The following OTOF variants were observed in gnomAD, a reference collection of about 807,000 sequenced individuals.
OTOF encodes the protein otoferlin.
In OTOF, 218 loss-of-function variants were observed where a neutral mutation model predicts 236.8. The observed-to-expected ratio is 0.92, with a 90% confidence interval of 0.82 to 1.03. OTOF has a LOEUF of 1.03. Among genes scored for constraint, OTOF ranks in the 50% least tolerant of loss-of-function variants. The probability of loss-of-function intolerance (pLI) is 0.00; values close to 1 mark genes in which losing one functional copy is unlikely to be tolerated. For missense variants in OTOF, 2,590 were observed against 2,694.4 expected (o/e 0.96, Z 0.86); for synonymous variants, 1,041 against 1,072.5 (o/e 0.97, Z 0.57).
chr2:26,497,022 C>A (rs1290931009), intron 8 of OTOF, among the ~76,000 whole-genome samples: 1 of 150,474 alleles, frequency 6.6e-6, no homozygotes, highest in Non-Finnish European at 1.5e-5. Context: ...TTGCCTCTCT[C>A]AAACGTGTGT....
intron 13 of OTOF, among the ~76,000 whole-genome samples, chr2:26,483,205 A>ATG (rs1558491515): frequency 6.6e-6 from 1 of 151,706 alleles, no homozygotes; most frequent in Non-Finnish European, 1.5e-5. Flanking sequence ...GAGTGGGTGC[A>ATG]TGTGTGTGTG....
intron 25 of OTOF, among the ~76,000 whole-genome samples, chr2:26,475,013 G>A (rs1412530316): frequency 2.6e-5 from 4 of 152,090 alleles, no homozygotes; most frequent in East Asian, 1.9e-4. Context: ...GAACCTCCAC[G>A]GAGGATGGCA....
intron 41 of OTOF, among the ~76,000 whole-genome samples, chr2:26,463,142 C>CTG (rs147483890): frequency 5.8e-4 from 88 of 150,572 alleles, no homozygotes; most frequent in African/African-American, 2.0e-3. Context: ...GAGTGCTATG[C>CTG]TGTGTGTGTG....
intron 5 of OTOF, among the ~76,000 whole-genome samples, chr2:26,514,889 C>A (rs1425543929): frequency 6.6e-6 from 1 of 152,224 alleles, no homozygotes; most frequent in African/African-American, 2.4e-5. Flanking sequence ...CCCTGCCAAC[C>A]TCTTTTCTGA....
In OTOF at chr2:26,474,613, G is replaced by A. The variant is rs759860289; in HGVS notation, c.3188C>T (p.Ala1063Val). The change falls in exon 26 of 47, where the codon GCG becomes GTG. Residue 1063 changes from alanine (A) to valine (V), a missense_variant. This residue lies in a region of OTOF where 1,211 missense variants were observed against 1,352.8 expected (regional missense o/e 0.90). Transcript: ENST00000272371. ...AGGTGGGAAGCGGGGTGGGCAGTAC[G>A]CCTCGTCTGCCATCTTCACCAGGGG... is the stretch of plus-strand genomic sequence containing the variant. ...AKPLVKMADEAYCPPRFPPQL... is the reference protein window; with the variant it reads ...AKPLVKMADEVYCPPRFPPQL... 6.8e-6 allele frequency: 11 copies of A among 1,613,156 alleles called. No individual in the cohort carries two copies. Among genetic ancestry groups the A allele is most frequent in the East Asian group, 4.5e-5 (2 of 44,876 alleles).
intron 1 of OTOF, among the ~76,000 whole-genome samples, chr2:26,546,383 C>A (rs1338276198): frequency 1.3e-5 from 2 of 151,988 alleles, no homozygotes; most frequent in Non-Finnish European, 2.9e-5. Context: ...ATCGCTTGAA[C>A]CCGGGAGGTG....
At chr2:26,516,157 C>T (rs1666517763) in intron 5 of OTOF, among the ~76,000 whole-genome samples, 1 of 152,222 alleles carries the variant, frequency 6.6e-6, no homozygotes, top group Non-Finnish European at 1.5e-5. Context: ...GTTAGAGCTC[C>T]ACCTCCCTCA....
chr2:26,520,864 A>G lies in OTOF; in HGVS notation c.228-1755T>C, dbSNP rs114181369. Among the ~76,000 whole-genome samples the G allele has an allele frequency of 2.8e-3, 431 of 152,354 alleles. 1 individual carries two copies. Among genetic ancestry groups the G allele is most frequent in the African/African-American group, 9.8e-3 (409 of 41,566 alleles). On this transcript the variant is annotated intron_variant, in intron 3 of 46. Transcript: ENST00000272371. ...TTTTGTTCTAAATCAGTGGTTCTCA[A>G]ACTTCAGCATGAGCAGAATCACCTG...
intron 1 of OTOF, among the ~76,000 whole-genome samples, chr2:26,541,066 C>A (rs1184847106): frequency 6.6e-6 from 1 of 152,184 alleles, no homozygotes; most frequent in Admixed American, 6.5e-5. Context: ...TCTGAATAAC[C>A]AAAGGCCTTT....
chr2:26,543,198 T>G (rs183992122), intron 1 of OTOF, among the ~76,000 whole-genome samples: 6 of 152,260 alleles, frequency 3.9e-5, no homozygotes, highest in African/African-American at 4.8e-5. Flanking sequence ...CTGTTCCTTT[T>G]GAAGGCCAGA....
intron 2 of OTOF, among the ~76,000 whole-genome samples, chr2:26,537,094 G>C (rs1298781928): frequency 6.6e-6 from 1 of 152,178 alleles, no homozygotes; most frequent in African/African-American, 2.4e-5. Context: ...GCTGGAGTGA[G>C]GATTGAGAAA....
rs1273815768 is a variant in OTOF, at chr2:26,467,142, T to G, written c.4319A>C (p.Glu1440Ala). 6.2e-7 allele frequency: 1 copy of G among 1,614,092 alleles called. No homozygotes were observed. The highest frequency in any genetic ancestry group is 8.5e-7 in the Non-Finnish European group (1 of 1,180,014). The change falls in exon 35 of 47, where the codon GAG becomes GCG. Residue 1440 changes from glutamate to alanine, a missense_variant. Glu to Ala is a moderately radical substitution (Grantham distance 107, BLOSUM62 -1). Around this residue, in one of 2 missense-constraint regions of OTOF, gnomAD observed 1,211 missense variants for 1,352.8 expected, o/e 0.90. Coordinates refer to ENST00000272371, the MANE Select transcript of OTOF (RefSeq NM_194248.3). Reference sequence around the variant, plus strand: ...GCGCTCCTCCTCGGTGGAGCCATCCTCATCATCCCCGGTCTTGCCCCGAAG... The same window carrying G: ...GCGCTCCTCCTCGGTGGAGCCATCCGCATCATCCCCGGTCTTGCCCCGAAG... ...NLLRGKTGDDEDGSTEEERIV... is the reference protein window; with the variant it reads ...NLLRGKTGDDADGSTEEERIV...
chr2:26,546,095 A>G (rs925995385), intron 1 of OTOF, among the ~76,000 whole-genome samples: 5 of 152,216 alleles, frequency 3.3e-5, no homozygotes, highest in Non-Finnish European at 7.3e-5. Context: ...CATATTTTGT[A>G]TATGTATTAT....
Position 26,482,387 on chromosome 2 carries a change from C to T in OTOF, c.1579+19G>A, listed in dbSNP as rs192297517. The T allele has an allele frequency of 5.6e-4, 903 of 1,611,866 alleles. 3 individuals carry two copies. The African/African-American group carries it at 0.01, about 18-fold the overall frequency. On this transcript the variant is annotated intron_variant, in intron 14 of 46. Transcript: ENST00000272371. ...CCACTCCCTCTGCCCCCCAGCACAC[C>T]GGGTCTCCCGCTGCTGACCTTTGTC...
chr2:26,519,020 G>C lies in OTOF; in HGVS notation c.317C>G (p.Ala106Gly), dbSNP rs777389771. 2 of 1,605,578 alleles carry C rather than the reference G, an allele frequency of 1.2e-6. No homozygotes were observed. The highest frequency in any genetic ancestry group is 1.7e-5 in the Admixed American group (1 of 59,580). Residue 106 changes from alanine to glycine, a missense_variant, in exon 4 of 47, where the codon GCT (alanine) becomes GGT (glycine). Transcript: ENST00000272371. ...VTDTLIDDNN[A>G]IIKTSLCVEV... Reference sequence around the variant, plus strand: ...GTGGGGCATACCCACCTTGATGATAGCATTGTTGTCATCAATCAGCGTGTC... The same window carrying C: ...GTGGGGCATACCCACCTTGATGATACCATTGTTGTCATCAATCAGCGTGTC...
chr2:26,556,493 C>G (rs943223201), intron 1 of OTOF, among the ~76,000 whole-genome samples: 1 of 152,208 alleles, frequency 6.6e-6, no homozygotes, highest in Non-Finnish European at 1.5e-5. Context: ...CCCATGGCCA[C>G]CTCCTGCCAA....
chr2:26,469,206 C>T (rs778968695), intron 32 of OTOF, among the ~76,000 whole-genome samples: 78 of 152,136 alleles, frequency 5.1e-4, no homozygotes, highest in Admixed American at 2.0e-3. Flanking sequence ...TTCTTTCACT[C>T]AGCACACCCC....
At chr2:26,551,020 C>T (rs1288637184) in intron 1 of OTOF, among the ~76,000 whole-genome samples, 2 of 152,072 alleles carry the variant, frequency 1.3e-5, no homozygotes, top group Admixed American at 6.6e-5. Context: ...GACAGAGTCT[C>T]GCTCTGTCGC....
At chr2:26,556,505 G>A (rs2148141489) in intron 1 of OTOF, among the ~76,000 whole-genome samples, 1 of 152,258 alleles carries the variant, frequency 6.6e-6, no homozygotes, top group Non-Finnish European at 1.5e-5. Flanking sequence ...TCCTGCCAAT[G>A]TGGAGCTTGG....
Sources: allele counts gnomAD v4.1 joint callset (sites outside exome capture counted in the v4.1 genomes callset), GRCh38; gene constraint gnomAD v4.1.1; regional missense constraint gnomAD v4.1.1; transcripts MANE v1.5; gene names NCBI Gene and HGNC (gene_info 2026-07-23, HGNC 2026-07-21).